The following ZC2HC1B variants were observed in gnomAD, a reference collection of about 807,000 sequenced individuals.
ZC2HC1B encodes the protein zinc finger C2HC-type containing 1B.
Under a neutral mutation model 31.0 loss-of-function variants are expected in ZC2HC1B, and 36 were observed. The ratio of observed to expected loss-of-function variants is 1.16; its 90% CI spans 0.89 to 1.54. ZC2HC1B has a LOEUF of 1.54. ZC2HC1B is among the 40% of genes most tolerant of loss of function. ZC2HC1B has a pLI of 0.00. For synonymous variants in ZC2HC1B, 73 were observed against 88.0 expected (o/e 0.83, Z 0.95); for missense variants, 260 against 268.6 (o/e 0.97, Z 0.22).
chr6:143,930,410 G>A (rs1221173123), intron 6 of ZC2HC1B, among the ~76,000 whole-genome samples: 1 of 139,602 alleles, frequency 7.2e-6, no homozygotes, highest in Non-Finnish European at 1.5e-5. Flanking sequence ...TTCCTGAGAC[G>A]GAGTCTTGCT....
At chr6:143,874,866 T>C (rs1352139485) in intron 1 of ZC2HC1B, among the ~76,000 whole-genome samples, 1 of 152,220 alleles carries the variant, frequency 6.6e-6, no homozygotes, top group African/African-American at 2.4e-5. Flanking sequence ...GAGGTCTCTT[T>C]CTGTTACCCA....
At position 143,864,517 on chromosome 6, in the gene ZC2HC1B, T is replaced by A; in HGVS notation, c.-23T>A. ...CTGGGCTGTAAAAATCTGTGAACAC[T>A]GTTGCTCTGAGTTAGGAACAGAATG... On this transcript the variant is annotated 5_prime_UTR_variant, in exon 1 of 8. Coordinates refer to ENST00000237275, the MANE Select transcript of ZC2HC1B (RefSeq NM_001013623.3). 6.4e-7 allele frequency: 1 copy of A among 1,551,594 alleles called. No homozygotes were observed. The highest frequency in any genetic ancestry group is 1.2e-5 in the South Asian group (1 of 84,064).
Position 143,885,160 on chromosome 6 carries a change from C to T in ZC2HC1B, c.90+795C>T, listed in dbSNP as rs1777516743. On this transcript the variant is annotated intron_variant, in intron 2 of 7. Coordinates refer to ENST00000237275, the MANE Select transcript of ZC2HC1B (RefSeq NM_001013623.3). This position sits in a 1 kb window ranked among gnomAD's most constrained non-coding sequence, Gnocchi z 4.2. The stretch of plus-strand genomic sequence containing the variant: ...ACTGTAAGCCTGACTATGTTTTGGA[C>T]AAAAGACTATAAAATGAGGTTGTAG... Among the ~76,000 whole-genome samples, 1 of 151,950 alleles carries T rather than the reference C, an allele frequency of 6.6e-6. No homozygotes were observed. The highest frequency in any genetic ancestry group is 6.6e-5 in the Admixed American group (1 of 15,254).
At position 143,870,561 on chromosome 6, in the gene ZC2HC1B, AT is replaced by A. The variant is rs1243099934; in HGVS notation, c.28+5995del. ...CATTTGATGATGGATGCTGCTGTGC[AT>A]GACCCACTTTATGGCTAGATGGGTC... On this transcript the variant is annotated intron_variant, in intron 1 of 7. Coordinates refer to ENST00000237275, the MANE Select transcript of ZC2HC1B (RefSeq NM_001013623.3). This position sits in a 1 kb window ranked among gnomAD's most constrained non-coding sequence, Gnocchi z 4.7. Among the ~76,000 whole-genome samples the A allele has an allele frequency of 2.6e-5, 4 of 152,150 alleles. No homozygotes were observed. The highest frequency in any genetic ancestry group is 2.9e-5 in the Non-Finnish European group (2 of 68,028).
At chr6:143,901,684 A>G (rs1452104296) in intron 5 of ZC2HC1B, among the ~76,000 whole-genome samples, 1 of 152,148 alleles carries the variant, frequency 6.6e-6, no homozygotes, top group East Asian at 1.9e-4. Context: ...TGGGGGACTT[A>G]TAGATAAGTG....
At position 143,872,638 on chromosome 6, in the gene ZC2HC1B, A is replaced by G. The variant is rs1378574880; in HGVS notation, c.28+8071A>G. Reference sequence around the variant, plus strand: ...GGTTTAATCAGACTTACAGTTCCACATGGCTGGGGAGGCCTCAGAATCATG... The same window carrying G: ...GGTTTAATCAGACTTACAGTTCCACGTGGCTGGGGAGGCCTCAGAATCATG... On this transcript the variant is annotated intron_variant, in intron 1 of 7. Coordinates refer to ENST00000237275, the MANE Select transcript of ZC2HC1B (RefSeq NM_001013623.3). The surrounding 1 kb of genome is among the most constrained non-coding windows in gnomAD (Gnocchi z 5.5). 6.6e-6 allele frequency among the ~76,000 whole-genome samples: 1 copy of G among 152,212 alleles called. No individual in the cohort carries two copies. Among genetic ancestry groups the G allele is most frequent in the Non-Finnish European group, 1.5e-5 (1 of 68,042 alleles).
chr6:143,914,224 G>A (rs181618390), intron 6 of ZC2HC1B, among the ~76,000 whole-genome samples: 109 of 152,056 alleles, frequency 7.2e-4, no homozygotes, highest in Non-Finnish European at 1.0e-3. Flanking sequence ...ATTTATAGGT[G>A]TAAATTCCCC....
intron 1 of ZC2HC1B, among the ~76,000 whole-genome samples, chr6:143,875,571 C>T (rs1161022323): frequency 6.6e-6 from 1 of 150,848 alleles, no homozygotes; most frequent in Admixed American, 6.6e-5. Context: ...CACCATTATA[C>T]CACACCCTTA....
At chr6:143,889,754 T>C (rs1173067208) in intron 4 of ZC2HC1B, among the ~76,000 whole-genome samples, 1 of 152,126 alleles carries the variant, frequency 6.6e-6, no homozygotes. Context: ...ACTGATAGAA[T>C]ACACAGCAGG....
In ZC2HC1B at chr6:143,903,819, G is replaced by T. The variant is rs1214448520; in HGVS notation, c.598+667G>T. 6.6e-6 allele frequency among the ~76,000 whole-genome samples: 1 copy of T among 152,178 alleles called. No homozygotes were observed. Among genetic ancestry groups the T allele is most frequent in the Non-Finnish European group, 1.5e-5 (1 of 68,006 alleles). Reference sequence around the variant, plus strand: ...CTCCAGATTACTTATAATACCTAAGGCAATGTAAATGCTATGTAAGTAGTT... The same window carrying T: ...CTCCAGATTACTTATAATACCTAAGTCAATGTAAATGCTATGTAAGTAGTT... On this transcript the variant is annotated intron_variant, in intron 6 of 7. Transcript: ENST00000237275. This position sits in a 1 kb window ranked among gnomAD's most constrained non-coding sequence, Gnocchi z 4.3.
At chr6:143,926,285 T>C (rs989717257) in intron 6 of ZC2HC1B, among the ~76,000 whole-genome samples, 12 of 152,230 alleles carry the variant, frequency 7.9e-5, no homozygotes, top group African/African-American at 2.9e-4. Context: ...TTAGCACTTC[T>C]TTTGCTACAT....
At chr6:143,888,241 G>T (rs1051096232) in intron 4 of ZC2HC1B, among the ~76,000 whole-genome samples, 2 of 152,088 alleles carry the variant, frequency 1.3e-5, no homozygotes, top group African/African-American at 4.8e-5. Context: ...TGGGCTCTCT[G>T]TTCTATTCCA....
intron 4 of ZC2HC1B, among the ~76,000 whole-genome samples, chr6:143,888,103 C>T (rs1160427249): frequency 6.6e-6 from 1 of 151,976 alleles, no homozygotes; most frequent in African/African-American, 2.4e-5. Context: ...AAGTTTCCAA[C>T]ATCGTTTTTT....
rs1403135391 is a variant in ZC2HC1B at position 143,911,038 on chromosome 6, C to T, written c.598+7886C>T. On this transcript the variant is annotated intron_variant, in intron 6 of 7. Transcript: ENST00000237275. The surrounding 1 kb of genome is among the most constrained non-coding windows in gnomAD (Gnocchi z 4.5). ...AAAGTGCTAGGATTACAGGCATGAG[C>T]CACTGCGCCCAGCCCTTTGTTGGTT... Among the ~76,000 whole-genome samples the T allele has an allele frequency of 6.6e-6, 1 of 152,188 alleles. No homozygotes were observed. Among genetic ancestry groups the T allele is most frequent in the African/African-American group, 2.4e-5 (1 of 41,454 alleles).
rs537798323 is a variant in ZC2HC1B at position 143,892,860 on chromosome 6, A to G, written c.350-5692A>G. Among the ~76,000 whole-genome samples the G allele has an allele frequency of 2.4e-4, 36 of 152,354 alleles. No individual in the cohort carries two copies. The South Asian group carries it at 7.5e-3, about 32-fold the overall frequency. ...ATAATTGTTACAACTAAAGGCCAAC[A>G]AAGATTTCCCAGGCAGGACACAAAA... On this transcript the variant is annotated intron_variant, in intron 4 of 7. Coordinates refer to ENST00000237275, the MANE Select transcript of ZC2HC1B (RefSeq NM_001013623.3).
Position 143,938,343 on chromosome 6 carries a change from A to G in ZC2HC1B, c.*216A>G, listed in dbSNP as rs760465171. ...AAAAGCATTAAACACATCAACCTGT[A>G]TAATGCATGATTCAAATTCACTTGA... On this transcript the variant is annotated 3_prime_UTR_variant, in exon 8 of 8. Coordinates refer to ENST00000237275, the MANE Select transcript of ZC2HC1B (RefSeq NM_001013623.3). The surrounding 1 kb of genome is among the most constrained non-coding windows in gnomAD (Gnocchi z 4.2). 3 of 152,262 alleles carry G rather than the reference A, an allele frequency of 2.0e-5. No homozygotes were observed. The highest frequency in any genetic ancestry group is 7.2e-5 in the African/African-American group (3 of 41,470). 9.4% of individuals were successfully genotyped at this position (152,262 alleles called of 1,614,324 possible). A position where few individuals can be genotyped will look rare whatever the true frequency, so the allele number is the denominator to read the frequency against.
rs1474244742 is a variant in ZC2HC1B, at chr6:143,917,705, C to A, written c.598+14553C>A. Among the ~76,000 whole-genome samples, 1 of 152,030 alleles carries A rather than the reference C, an allele frequency of 6.6e-6. No individual in the cohort carries two copies. Among genetic ancestry groups the A allele is most frequent in the African/African-American group, 2.4e-5 (1 of 41,368 alleles). On this transcript the variant is annotated intron_variant, in intron 6 of 7. Transcript: ENST00000237275. The surrounding 1 kb of genome is among the most constrained non-coding windows in gnomAD (Gnocchi z 4.1). ...GATTTTTGGATTAGTGATGTTCAAC[C>A]AGTAAGTATAATGCAAATATTCCAA...
chr6:143,931,014 T>A (rs899052793), intron 6 of ZC2HC1B, among the ~76,000 whole-genome samples: 1 of 152,228 alleles, frequency 6.6e-6, no homozygotes, highest in Non-Finnish European at 1.5e-5. Flanking sequence ...TTCTTAGGAT[T>A]GTGGTATTTT....
intron 6 of ZC2HC1B, among the ~76,000 whole-genome samples, chr6:143,925,264 C>A (rs543903908): frequency 2.0e-5 from 3 of 150,190 alleles, no homozygotes; most frequent in Non-Finnish European, 4.4e-5. Flanking sequence ...CAAGCTCCGC[C>A]TCCCGGGTTC....
Sources: gnomAD v4.1 joint callset for allele counts (sites outside exome capture counted in the v4.1 genomes callset) on GRCh38, gnomAD v4.1.1 for gene constraint, Gnocchi (gnomAD v3.1) non-coding constraint, MANE v1.5 for transcripts, NCBI Gene and HGNC (gene_info 2026-07-23, HGNC 2026-07-21) for gene names.